TEX36: variants seen among roughly 807,000 people sequenced by gnomAD.
The protein encoded by TEX36 is testis expressed 36, also known as testis-expressed protein 36.
Under a neutral mutation model 13.6 loss-of-function variants are expected in TEX36, and 12 were observed. That is an observed-to-expected ratio of 0.88 (90% CI 0.56 to 1.43). TEX36 has a LOEUF of 1.43. TEX36 is among the 40% of genes most tolerant of loss of function. The pLI is 0.00. For missense variants in TEX36, 224 were observed against 228.3 expected, an observed-to-expected ratio of 0.98 and a Z score of 0.12; for synonymous variants, 93 against 83.0, an observed-to-expected ratio of 1.12 and a Z score of -0.65.
intron 1 of TEX36, among the ~76,000 whole-genome samples, chr10:125,678,211 C>T (rs185572734): frequency 2.6e-5 from 4 of 152,110 alleles, no homozygotes; most frequent in African/African-American, 9.7e-5. Flanking sequence ...TCCATGGTGT[C>T]AGTTGGATAG....
downstream of TEX36, among the ~76,000 whole-genome samples, chr10:125,654,470 G>C (rs1020398285): frequency 2.0e-5 from 3 of 152,136 alleles, no homozygotes; most frequent in African/African-American, 7.2e-5. Flanking sequence ...AAAGGTGTTG[G>C]TTTTCCCATA....
chr10:125,674,479 AT>A (rs1008608964), intron 1 of TEX36, among the ~76,000 whole-genome samples: 1 of 152,204 alleles, frequency 6.6e-6, no homozygotes, highest in Non-Finnish European at 1.5e-5. Flanking sequence ...AGGTGTTGCC[AT>A]CATTTAGAGG....
chr10:125,636,503 C>T (rs1358286465), intron 3 of TEX36, among the ~76,000 whole-genome samples: 1 of 152,128 alleles, frequency 6.6e-6, no homozygotes, highest in Non-Finnish European at 1.5e-5. Context: ...CGTGAGCCAC[C>T]ACGCCCAGCC....
chr10:125,593,032 G>A (rs1846040209), intron 3 of TEX36, among the ~76,000 whole-genome samples: 1 of 152,142 alleles, frequency 6.6e-6, no homozygotes, highest in Admixed American at 6.5e-5. Context: ...TCATTATGTA[G>A]GCGTGATGGA....
chr10:125,607,461 A>T (rs1261277077), intron 3 of TEX36, among the ~76,000 whole-genome samples: 1 of 152,198 alleles, frequency 6.6e-6, no homozygotes, highest in Non-Finnish European at 1.5e-5. Context: ...GTTAGTGTAA[A>T]CACGGTGATT....
At chr10:125,589,408 G>T (rs531065832) in intron 3 of TEX36, among the ~76,000 whole-genome samples, 134 of 152,220 alleles carry the variant, frequency 8.8e-4, no homozygotes, top group Non-Finnish European at 3.7e-4. Flanking sequence ...GGGTGATAGT[G>T]GCCACCCTTG....
intron 3 of TEX36, among the ~76,000 whole-genome samples, chr10:125,601,985 A>G (rs1208365316): frequency 6.6e-6 from 1 of 152,190 alleles, no homozygotes; most frequent in Non-Finnish European, 1.5e-5. Context: ...TCCAAGGACC[A>G]TCCCCATACC....
intron 3 of TEX36, among the ~76,000 whole-genome samples, chr10:125,649,050 A>G (rs9422911): frequency 0.012 from 1,869 of 152,344 alleles, 36 homozygotes; most frequent in African/African-American, 0.042. Flanking sequence ...TGAAAGAGAC[A>G]GGGAGAATGG....
chr10:125,643,947 A>G (rs61393373), intron 3 of TEX36, among the ~76,000 whole-genome samples: 3,973 of 152,244 alleles, frequency 0.026, 178 homozygotes, highest in African/African-American at 0.09. Context: ...AAAGAACAAC[A>G]ACAAAAAAAA....
intron 3 of TEX36, among the ~76,000 whole-genome samples, chr10:125,577,375 G>A (rs1845836891): frequency 1.3e-5 from 2 of 152,300 alleles, no homozygotes; most frequent in South Asian, 4.1e-4. Context: ...GCGCACGCCT[G>A]TAATCCCAGC....
At chr10:125,672,584 C>T (rs1354547576) in intron 1 of TEX36, among the ~76,000 whole-genome samples, 1 of 152,132 alleles carries the variant, frequency 6.6e-6, no homozygotes, top group Non-Finnish European at 1.5e-5. Flanking sequence ...TGCCATGTGG[C>T]ACCAAGAAGA....
intron 3 of TEX36, among the ~76,000 whole-genome samples, chr10:125,589,046 C>T (rs1845991925): frequency 6.6e-6 from 1 of 152,220 alleles, no homozygotes; most frequent in African/African-American, 2.4e-5. Context: ...GCTGGGGGTA[C>T]CTTTCAACAT....
Position 125,656,014 on chromosome 10 carries a change from C to T in TEX36, c.447G>A (p.Glu149=), listed in dbSNP as rs1454260467. ...GAAGAAATGTAAAAGCGTTCCATAT[C>T]TCTTTATAGCATCGTGGAAAGCGTC... is the stretch of plus-strand genomic sequence containing the variant. ...SFRRFPRCYK[E]IWNAFTFLPE... is the part of the protein sequence containing the mutation. The change falls in exon 4 of 4, where the codon GAG becomes GAA. Residue 149 remains glutamate (E), a synonymous_variant. Coordinates refer to ENST00000368821, the MANE Select transcript of TEX36 (RefSeq NM_001128202.3). 11 of 1,551,802 alleles carry T rather than the reference C, an allele frequency of 7.1e-6. No individual in the cohort carries two copies. Among genetic ancestry groups the T allele is most frequent in the Non-Finnish European group, 8.7e-6 (10 of 1,147,026 alleles).
At chr10:125,682,334 G>T (rs1280475000) in intron 1 of TEX36, among the ~76,000 whole-genome samples, 1 of 152,198 alleles carries the variant, frequency 6.6e-6, no homozygotes, top group Non-Finnish European at 1.5e-5. Flanking sequence ...TTGGGGGAGA[G>T]CGTGAAGCTG....
downstream of TEX36, among the ~76,000 whole-genome samples, chr10:125,653,286 A>G (rs961536655): frequency 6.6e-6 from 1 of 152,150 alleles, no homozygotes; most frequent in Non-Finnish European, 1.5e-5. Context: ...GCACATATAC[A>G]CCATGGAATA....
chr10:125,584,063 T>G (rs975101598), intron 3 of TEX36, among the ~76,000 whole-genome samples: 4 of 152,216 alleles, frequency 2.6e-5, no homozygotes, highest in African/African-American at 9.7e-5. Flanking sequence ...CTCTTCGAGC[T>G]GCTGCCACTA....
intron 3 of TEX36, among the ~76,000 whole-genome samples, chr10:125,643,468 G>C (rs536701151): frequency 1.1e-4 from 17 of 152,246 alleles, no homozygotes; most frequent in African/African-American, 3.8e-4. Context: ...ATTAGGCCGG[G>C]CACGATGGCT....
intron 3 of TEX36, among the ~76,000 whole-genome samples, chr10:125,633,619 C>T (rs1326828995): frequency 6.6e-6 from 1 of 152,178 alleles, no homozygotes; most frequent in African/African-American, 2.4e-5. Flanking sequence ...TAGTTGCAAA[C>T]ACCATGTACC....
intron 1 of TEX36, chr10:125,667,821 G>T: frequency 7.7e-7 from 1 of 1,295,456 alleles, no homozygotes; most frequent in Non-Finnish European, 1.1e-6. Flanking sequence ...AGGGACTGCA[G>T]CCGCTTGGCA....
Sources: gnomAD v4.1 joint callset for allele counts (sites outside exome capture counted in the v4.1 genomes callset) on GRCh38, gnomAD v4.1.1 for gene constraint, MANE v1.5 for transcripts, NCBI Gene and HGNC (gene_info 2026-07-23, HGNC 2026-07-21) for gene names.